SYT2: variants seen among roughly 807,000 people sequenced by gnomAD.
The protein encoded by SYT2 is synaptotagmin-2.
SYT2 carries 15 observed loss-of-function variants against 39.9 expected under a neutral mutation model. The observed-to-expected ratio is 0.38, with a 90% confidence interval of 0.25 to 0.58. The LOEUF (loss-of-function observed/expected upper bound fraction) is 0.58. Ranked by LOEUF, SYT2 falls within the 20% of genes least tolerant of loss-of-function variation. The pLI, the probability that SYT2 is intolerant of heterozygous loss-of-function variation, is 0.70. For synonymous variants in SYT2, 181 were observed against 204.5 expected, an observed-to-expected ratio of 0.89 and a Z score of 0.98; for missense variants, 389 against 530.3, an observed-to-expected ratio of 0.73 and a Z score of 2.62.
At chr1:202,639,667 C>G in intron 1 of SYT2, 1 of 985,478 alleles carries the variant, frequency 1.0e-6, no homozygotes, top group Non-Finnish European at 1.2e-6. Context: ...TCATCAGGAG[C>G]CTTTTGTCAG....
chr1:202,639,076 T>G (rs919064218), intron 1 of SYT2, among the ~76,000 whole-genome samples: 2 of 152,244 alleles, frequency 1.3e-5, no homozygotes, highest in African/African-American at 4.8e-5. Context: ...GCTATCCTGC[T>G]GCCCTGTCTG....
rs139568172 is a variant in SYT2, at chr1:202,646,502, C to A, written c.-17-40713G>T. The stretch of plus-strand genomic sequence containing the variant: ...GGGCAAGGACCCCTGCTCACCGAGC[C>A]TACTGGCCCGGAGTAGGCACTCAGT... On this transcript the variant is annotated intron_variant, in intron 1 of 8. Transcript: ENST00000367268. Among the ~76,000 whole-genome samples, 476 of 152,324 alleles carry A rather than the reference C, an allele frequency of 3.1e-3. 4 individuals carry two copies. Among genetic ancestry groups the A allele is most frequent in the African/African-American group, 0.011 (455 of 41,574 alleles).
chr1:202,698,118 C>A (rs934497706), intron 1 of SYT2, among the ~76,000 whole-genome samples: 2 of 146,348 alleles, frequency 1.4e-5, no homozygotes, highest in African/African-American at 4.9e-5. Context: ...CACCACCCCC[C>A]CAAGGAAAGT....
At chr1:202,646,578 G>C (rs1262461762) in intron 1 of SYT2, among the ~76,000 whole-genome samples, 2 of 152,204 alleles carry the variant, frequency 1.3e-5, no homozygotes, top group Admixed American at 6.5e-5. Context: ...TCTGTATGCT[G>C]TATGACTACA....
intron 5 of SYT2, among the ~76,000 whole-genome samples, 153 bp downstream of exon 5, chr1:202,602,225 C>A (rs1185350453): frequency 6.6e-6 from 1 of 152,152 alleles, no homozygotes; most frequent in Non-Finnish European, 1.5e-5. Context: ...TGGGAGGGAT[C>A]CCGATCCTCC....
chr1:202,612,822 T>C (rs1489455111), intron 1 of SYT2, among the ~76,000 whole-genome samples: 1 of 152,218 alleles, frequency 6.6e-6, no homozygotes, highest in Non-Finnish European at 1.5e-5. Flanking sequence ...ATCAACAACA[T>C]TGAGTTTTCC....
chr1:202,639,746 C>T, intron 1 of SYT2: 2 of 985,450 alleles, frequency 2.0e-6, no homozygotes, highest in Non-Finnish European at 1.2e-6. Flanking sequence ...TTCCTTTCTC[C>T]AGGCCCCATG....
At position 202,596,223 on chromosome 1, in the gene SYT2, GAC is replaced by G. The variant is rs138135811; in HGVS notation, c.*532_*533del. ...AGGAATGAAGAGAGATGCTCAAAGA[GAC>G]ACACACACACACACATTCCAGGAAT... On this transcript the variant is annotated 3_prime_UTR_variant, in exon 9 of 9. Transcript: ENST00000367268. 30 of 148,186 alleles carry G rather than the reference GAC, an allele frequency of 2.0e-4. No individual in the cohort carries two copies. Among genetic ancestry groups the G allele is most frequent in the Non-Finnish European group, 3.1e-4 (21 of 67,360 alleles). The allele number at this position is 148,186 out of a possible 1,614,324, so 9.2% of individuals were successfully genotyped here.
intron 1 of SYT2, among the ~76,000 whole-genome samples, chr1:202,652,975 T>C (rs928087817): frequency 2.0e-5 from 3 of 146,876 alleles, no homozygotes; most frequent in African/African-American, 7.5e-5. Flanking sequence ...CCCTTAGAGT[T>C]TGGATTTCCT....
At chr1:202,598,060 C>T (rs1690364586) in intron 8 of SYT2, among the ~76,000 whole-genome samples, 1 of 152,202 alleles carries the variant, frequency 6.6e-6, no homozygotes, top group Non-Finnish European at 1.5e-5. Flanking sequence ...TGCCCTCCCA[C>T]TGTGAGGTCC....
intron 1 of SYT2, among the ~76,000 whole-genome samples, chr1:202,680,048 C>T (rs942152535): frequency 1.3e-5 from 2 of 152,200 alleles, no homozygotes; most frequent in African/African-American, 2.4e-5. Flanking sequence ...AATCCCATAT[C>T]GCTGTACTGA....
intron 1 of SYT2, among the ~76,000 whole-genome samples, chr1:202,629,558 C>T (rs986752772): frequency 3.9e-5 from 6 of 152,192 alleles, no homozygotes; most frequent in South Asian, 2.1e-4. Flanking sequence ...TAGATGACAA[C>T]ACTGGGATGT....
chr1:202,616,488 A>G (rs1477971709), intron 1 of SYT2, among the ~76,000 whole-genome samples: 1 of 151,978 alleles, frequency 6.6e-6, no homozygotes, highest in Non-Finnish European at 1.5e-5. Flanking sequence ...ACTTGCACAC[A>G]CATACACATA....
chr1:202,662,680 T>A (rs1171329033), intron 1 of SYT2, among the ~76,000 whole-genome samples: 1 of 152,202 alleles, frequency 6.6e-6, no homozygotes, highest in Non-Finnish European at 1.5e-5. Context: ...CTGTGTGTTA[T>A]GGTTGCAGGT....
intron 1 of SYT2, among the ~76,000 whole-genome samples, chr1:202,627,318 A>T (rs779354312): frequency 6.6e-6 from 1 of 152,220 alleles, no homozygotes; most frequent in Non-Finnish European, 1.5e-5. Context: ...CCAGAGGAGC[A>T]GCCTGATTGC....
At chr1:202,620,789 T>G (rs1334795416) in intron 1 of SYT2, among the ~76,000 whole-genome samples, 1 of 151,830 alleles carries the variant, frequency 6.6e-6, no homozygotes, top group Non-Finnish European at 1.5e-5. Flanking sequence ...AGGAGGAAGG[T>G]GGGGTGAGAC....
chr1:202,621,321 C>T (rs367920844), intron 1 of SYT2, among the ~76,000 whole-genome samples: 70 of 152,156 alleles, frequency 4.6e-4, no homozygotes, highest in African/African-American at 1.5e-3. Flanking sequence ...TTACAGACAG[C>T]GTCTCACTCT....
intron 1 of SYT2, among the ~76,000 whole-genome samples, chr1:202,694,520 G>A: frequency 6.6e-6 from 1 of 151,944 alleles, no homozygotes; most frequent in African/African-American, 2.4e-5. Context: ...CCCTATTGCA[G>A]GCTTGACTAT....
chr1:202,643,803 G>A (rs999352364), intron 1 of SYT2, among the ~76,000 whole-genome samples: 1 of 152,124 alleles, frequency 6.6e-6, no homozygotes, highest in African/African-American at 2.4e-5. Context: ...AGCCCCCGGA[G>A]CCCTACGGGA....
Sources: allele counts gnomAD v4.1 joint callset (sites outside exome capture counted in the v4.1 genomes callset), GRCh38; gene constraint gnomAD v4.1.1; transcripts MANE v1.5; gene names NCBI Gene and HGNC (gene_info 2026-07-23, HGNC 2026-07-21).